Variants in ULK4 observed in about 807,000 individuals in gnomAD.
ULK4 encodes inactive serine/threonine-protein kinase ULK4.
ULK4 carries 133 observed loss-of-function variants against 160.6 expected under a neutral mutation model. The ratio of observed to expected loss-of-function variants is 0.83; its 90% CI spans 0.72 to 0.96. The LOEUF (loss-of-function observed/expected upper bound fraction) is 0.96. Among genes scored for constraint, ULK4 ranks in the 40% least tolerant of loss-of-function variants. The pLI is 0.00. For synonymous variants in ULK4, 534 were observed against 539.8 expected (o/e 0.99, Z 0.15); for missense variants, 1,580 against 1,499.5 (o/e 1.05, Z -0.89).
At chr3:41,306,168 A>G (rs868158189) in intron 35 of ULK4, among the ~76,000 whole-genome samples, 36 of 70,002 alleles carry the variant, frequency 5.1e-4, no homozygotes, top group South Asian at 1.6e-3. Flanking sequence ...CAGCCGCCCC[A>G]TCCGGGAGGG....
intron 21 of ULK4, among the ~76,000 whole-genome samples, chr3:41,775,398 C>CCT (rs2039570999): frequency 7.0e-6 from 1 of 142,514 alleles, no homozygotes; most frequent in Admixed American, 6.9e-5. Context: ...GGTGACAACT[C>CCT]CTTTTTTTTT....
At chr3:41,939,812 C>T (rs1253609490) in intron 2 of ULK4, among the ~76,000 whole-genome samples, 1 of 152,102 alleles carries the variant, frequency 6.6e-6, no homozygotes, top group Non-Finnish European at 1.5e-5. Context: ...CCTGTCAGAT[C>T]AGCAGTGGCA....
intron 4 of ULK4, 51 bp from the exon 5 acceptor site, chr3:41,932,057 C>G: frequency 6.5e-7 from 1 of 1,549,164 alleles, no homozygotes; most frequent in Non-Finnish European, 8.8e-7. Context: ...TTAATTTGTA[C>G]ATATATCAGT....
intron 16 of ULK4, among the ~76,000 whole-genome samples, chr3:41,888,526 A>G (rs536157547): frequency 6.6e-6 from 1 of 152,364 alleles, no homozygotes; most frequent in South Asian, 2.1e-4. Context: ...AGAATGAGCC[A>G]CAGGACAATC....
intron 30 of ULK4, among the ~76,000 whole-genome samples, chr3:41,622,031 TAG>T (rs920664932): frequency 6.6e-6 from 1 of 152,096 alleles, no homozygotes; most frequent in African/African-American, 2.4e-5. Context: ...CACTGGTCCT[TAG>T]AGAAATGCAA....
chr3:41,409,948 CA>C (rs36107176), intron 34 of ULK4, among the ~76,000 whole-genome samples: 83,697 of 143,110 alleles, frequency 0.58, 24,895 homozygotes, highest in African/African-American at 0.8. Context: ...GACCCGGTCT[CA>C]AAAAAAAAAA....
At chr3:41,865,007 C>T (rs1015673714) in intron 17 of ULK4, among the ~76,000 whole-genome samples, 1 of 152,070 alleles carries the variant, frequency 6.6e-6, no homozygotes, top group Non-Finnish European at 1.5e-5. Flanking sequence ...CACGGTGGCT[C>T]ATGCCTGTAA....
chr3:41,293,199 C>T lies in ULK4; in HGVS notation c.3679-43625G>A, dbSNP rs540966656. On this transcript the variant is annotated intron_variant, in intron 35 of 36. Transcript: ENST00000301831. ...GCAAGGAAGGTTATCATTTAGATAA[C>T]CAAGCCAGGAAACAACTTAAGATTC... Among the ~76,000 whole-genome samples the T allele has an allele frequency of 2.0e-5, 3 of 151,828 alleles. No homozygotes were observed. In the South Asian group the frequency reaches 6.2e-4, roughly 32 times the overall value.
At chr3:41,304,009 G>T (rs948922539) in intron 35 of ULK4, among the ~76,000 whole-genome samples, 1 of 152,092 alleles carries the variant, frequency 6.6e-6, no homozygotes, top group Non-Finnish European at 1.5e-5. Context: ...GATGGCTCAC[G>T]CCTGTAATCC....
chr3:41,268,217 G>A (rs1344101073), intron 35 of ULK4, among the ~76,000 whole-genome samples: 2 of 152,140 alleles, frequency 1.3e-5, no homozygotes, highest in Non-Finnish European at 2.9e-5. Context: ...GAAACCATAG[G>A]CTAGACCATC....
chr3:41,874,230 A>T (rs1223204226), intron 17 of ULK4, among the ~76,000 whole-genome samples: 1 of 152,190 alleles, frequency 6.6e-6, no homozygotes, highest in African/African-American at 2.4e-5. Context: ...GAAGTGGTGC[A>T]ATCGTGCATC....
intron 31 of ULK4, among the ~76,000 whole-genome samples, chr3:41,569,952 C>T (rs558999103): frequency 5.3e-5 from 8 of 152,260 alleles, no homozygotes; most frequent in East Asian, 1.9e-4. Flanking sequence ...AAGCATTAAG[C>T]GCCAGTGACA....
chr3:41,272,310 T>C (rs1439775296), intron 35 of ULK4, among the ~76,000 whole-genome samples: 5 of 151,580 alleles, frequency 3.3e-5, no homozygotes, highest in Non-Finnish European at 7.4e-5. Context: ...TCTGTATACC[T>C]GAAAATGTCT....
At chr3:41,374,002 T>C (rs558879888) in intron 35 of ULK4, among the ~76,000 whole-genome samples, 1 of 152,112 alleles carries the variant, frequency 6.6e-6, no homozygotes, top group African/African-American at 2.4e-5. Context: ...GAGAATACTA[T>C]AAACACCTCT....
intron 30 of ULK4, among the ~76,000 whole-genome samples, chr3:41,661,108 A>C (rs1411482252): frequency 6.6e-6 from 1 of 152,152 alleles, no homozygotes; most frequent in Non-Finnish European, 1.5e-5. Flanking sequence ...AGTAGAATTG[A>C]AGGTTGAAGG....
intron 33 of ULK4, among the ~76,000 whole-genome samples, chr3:41,460,679 G>A (rs2125876439): frequency 6.6e-6 from 1 of 152,238 alleles, no homozygotes; most frequent in Non-Finnish European, 1.5e-5. Context: ...CCCACAGGAG[G>A]CCCCCTGTAA....
intron 17 of ULK4, among the ~76,000 whole-genome samples, chr3:41,852,369 GA>G (rs1321660663): frequency 8.5e-5 from 13 of 152,104 alleles, no homozygotes; most frequent in Non-Finnish European, 1.5e-4. Context: ...ACTAAGTCAA[GA>G]AATTAGGTAT....
intron 32 of ULK4, among the ~76,000 whole-genome samples, chr3:41,471,793 A>G (rs1313042233): frequency 6.6e-6 from 1 of 152,194 alleles, no homozygotes; most frequent in African/African-American, 2.4e-5. Flanking sequence ...AAATTTAAAA[A>G]AATTGAGACA....
intron 35 of ULK4, among the ~76,000 whole-genome samples, chr3:41,317,229 C>T (rs1038545341): frequency 2.0e-5 from 3 of 151,728 alleles, no homozygotes; most frequent in Admixed American, 1.3e-4. Context: ...GCGCCCGCCA[C>T]GGCGCCCGGC....
Sources: allele counts gnomAD v4.1 joint callset (sites outside exome capture counted in the v4.1 genomes callset), GRCh38; gene constraint gnomAD v4.1.1; transcripts MANE v1.5; gene names NCBI Gene and HGNC (gene_info 2026-07-23, HGNC 2026-07-21).